CPLANE1: variants seen among roughly 807,000 people sequenced by gnomAD.
CPLANE1 encodes ciliogenesis and planar polarity effector 1.
CPLANE1 carries 263 observed loss-of-function variants against 362.5 expected under a neutral mutation model. The observed-to-expected ratio is 0.73, with a 90% CI of 0.66 to 0.80. CPLANE1 has a LOEUF of 0.80. CPLANE1 is among the 30% of genes least tolerant of loss of function. The pLI, the probability that CPLANE1 is intolerant of heterozygous loss-of-function variation, is 0.00. For missense variants in CPLANE1, 3,461 were observed against 3,793.4 expected, an observed-to-expected ratio of 0.91 and a Z score of 2.30; for synonymous variants, 1,212 against 1,302.6, an observed-to-expected ratio of 0.93 and a Z score of 1.50.
chr5:37,131,987 A>G (rs1195058603), intron 46 of CPLANE1, among the ~76,000 whole-genome samples: 1 of 152,210 alleles, frequency 6.6e-6, no homozygotes, highest in Non-Finnish European at 1.5e-5. Flanking sequence ...AATTATTGAC[A>G]TTTAATAGAT....
intron 8 of CPLANE1, among the ~76,000 whole-genome samples, chr5:37,237,140 A>G (rs996225414): frequency 6.6e-6 from 1 of 152,216 alleles, no homozygotes; most frequent in African/African-American, 2.4e-5. Flanking sequence ...ACTTGCACTC[A>G]CACGTTTATC....
Position 37,187,396 on chromosome 5 carries a change from C to T in CPLANE1, c.4080+18G>A. 6.3e-7 allele frequency: 1 copy of T among 1,576,778 alleles called. No individual in the cohort carries two copies. Among genetic ancestry groups the T allele is most frequent in the Non-Finnish European group, 8.6e-7 (1 of 1,163,204 alleles). On this transcript the variant is annotated intron_variant, in intron 23 of 52. Coordinates refer to ENST00000651892, the MANE Select transcript of CPLANE1 (RefSeq NM_001384732.1). ...CTCTGATTCTGATGTAGTTTACTTT[C>T]ACCTACAAGCACATTACCTTTCTGA...
rs1290514684 is a variant in CPLANE1 at position 37,227,611 on chromosome 5, GT to G, written c.1327del (p.Thr443ProfsTer11). On this transcript the variant is annotated frameshift_variant, in exon 10 of 53. Coordinates refer to ENST00000651892, the MANE Select transcript of CPLANE1 (RefSeq NM_001384732.1). ...VHMRSLLLDSTQRLEKIYQSV... is the reference protein window; with the variant it reads ...VHMRSLLLDSXQRLEKIYQSV... Reference sequence around the variant, plus strand: ...TTGATATATTTTCTCAAGCCTCTGGGTTGAATCAAGTAGAAGTGATCTCATG... The same window carrying G: ...TTGATATATTTTCTCAAGCCTCTGGGTGAATCAAGTAGAAGTGATCTCATG... 1 of 1,551,336 alleles carries G rather than the reference GT, an allele frequency of 6.4e-7. No individual in the cohort carries two copies. Among genetic ancestry groups the G allele is most frequent in the Admixed American group, 2.0e-5 (1 of 50,966 alleles).
intron 16 of CPLANE1, chr5:37,211,495 G>A (rs1343829731): frequency 2.2e-6 from 3 of 1,372,932 alleles, no homozygotes. Context: ...AAAGAAGAAA[G>A]GAATGACATC....
chr5:37,226,907 T>G lies in CPLANE1; in HGVS notation c.1688A>C (p.Asp563Ala). The G allele has an allele frequency of 6.4e-7, 1 of 1,551,868 alleles. No individual in the cohort carries two copies. The highest frequency in any genetic ancestry group is 1.7e-4 in the Middle Eastern group (1 of 5,988). ...IHAKDDSEET[D>A]RTITELHSIQ... is the part of the protein sequence containing the mutation. ...AGAATGCAGTTCTGTAATGGTTCTATCTGTCTCCTCACTATCATCCTTTGC... is the reference window on the plus strand; with the variant it reads ...AGAATGCAGTTCTGTAATGGTTCTAGCTGTCTCCTCACTATCATCCTTTGC... Residue 563 changes from aspartate to alanine, a missense_variant, in exon 12 of 53, where the codon GAT (aspartate) becomes GCT (alanine). Coordinates refer to ENST00000651892, the MANE Select transcript of CPLANE1 (RefSeq NM_001384732.1).
intron 44 of CPLANE1, chr5:37,141,191 T>C: frequency 1.0e-6 from 1 of 985,394 alleles, no homozygotes. Context: ...TATGCCTCCA[T>C]TCTATTTTTC....
At chr5:37,093,949 A>T in the CPLANE1 span, among the ~76,000 whole-genome samples, 1 of 146,680 alleles carries the variant, frequency 6.8e-6, no homozygotes, top group Non-Finnish European at 1.5e-5. Context: ...TAGCTTGTTT[A>T]CTCATGTGGT....
At chr5:37,124,731 C>T (rs111718566) in intron 47 of CPLANE1, 6,899 of 229,722 alleles carry the variant, frequency 0.03, 525 homozygotes, top group African/African-American at 0.16. Flanking sequence ...TTTTTTTTTT[C>T]TTTTGTAGAG....
chr5:37,145,773 C>A (rs984403058), intron 43 of CPLANE1, among the ~76,000 whole-genome samples: 10 of 151,830 alleles, frequency 6.6e-5, no homozygotes, highest in African/African-American at 1.9e-4. Flanking sequence ...GGCAAAAAAA[C>A]CACCATGAAA....
intron 8 of CPLANE1, among the ~76,000 whole-genome samples, chr5:37,232,283 C>T (rs886423285): frequency 2.0e-5 from 3 of 151,898 alleles, no homozygotes; most frequent in African/African-American, 7.3e-5. Context: ...TTTGGGAGGC[C>T]GAGGCAGGTG....
the CPLANE1 span, chr5:37,085,919 G>GAA: frequency 5.0e-5 from 26 of 522,978 alleles, no homozygotes; most frequent in African/African-American, 2.9e-4. Context: ...GAATTAATAG[G>GAA]AAAAAAAAAA....
In CPLANE1 at chr5:37,185,077, G is replaced by A. The variant is rs770196773; in HGVS notation, c.4192C>T (p.Pro1398Ser). 8.8e-6 allele frequency: 14 copies of A among 1,593,828 alleles called. No individual in the cohort carries two copies. Among genetic ancestry groups the A allele is most frequent in the Non-Finnish European group, 7.7e-6 (9 of 1,173,928 alleles). Residue 1398 changes from proline to serine, a missense_variant and splice_region_variant, in exon 25 of 53, where the codon CCC (proline) becomes TCC (serine). This residue lies in a region of CPLANE1 where 3,380 missense variants were observed against 3,666.1 expected (regional missense o/e 0.92). Coordinates refer to ENST00000651892, the MANE Select transcript of CPLANE1 (RefSeq NM_001384732.1). ...ACAGACATCATTTCCTCAGTCTGGGGTCCTGGAAAGAAAAGAATAAAAAGT... is the reference window on the plus strand; with the variant it reads ...ACAGACATCATTTCCTCAGTCTGGGATCCTGGAAAGAAAAGAATAAAAAGT... Reference protein sequence around the residue: ...QRLRHCVVKGPQTEEMMSVVM... With the variant: ...QRLRHCVVKGSQTEEMMSVVM...
rs1286860069 is a variant in CPLANE1 at position 37,210,261 on chromosome 5, G to C, written c.2920+3298C>G. 5 of 1,604,954 alleles carry C rather than the reference G, an allele frequency of 3.1e-6. No homozygotes were observed. In the African/African-American group the frequency reaches 5.4e-5, roughly 17 times the overall value. ...AGATATGGATTTGCTAAGAGGAAGAGAAGCAGAGCTGAAGCAAAGAGTTGA... is the reference window on the plus strand; with the variant it reads ...AGATATGGATTTGCTAAGAGGAAGACAAGCAGAGCTGAAGCAAAGAGTTGA... On this transcript the variant is annotated intron_variant, in intron 16 of 52. Coordinates refer to ENST00000651892, the MANE Select transcript of CPLANE1 (RefSeq NM_001384732.1).
chr5:37,123,930 TACACACAC>T lies in CPLANE1; in HGVS notation c.8958+1306_8958+1313del, dbSNP rs56833956. ...CATTCTACATTAGGCTAGGGGAACATACACACACACACACACACACACACACACACACA... is the reference window on the plus strand; with the variant it reads ...CATTCTACATTAGGCTAGGGGAACATACACACACACACACACACACACACA... On this transcript the variant is annotated intron_variant, in intron 47 of 52. Coordinates refer to ENST00000651892, the MANE Select transcript of CPLANE1 (RefSeq NM_001384732.1). Among the ~76,000 whole-genome samples the T allele has an allele frequency of 1.4e-3, 204 of 144,534 alleles. 2 individuals are homozygous for T. Among genetic ancestry groups the T allele is most frequent in the African/African-American group, 4.9e-3 (194 of 39,260 alleles). 94.8% of individuals were successfully genotyped at this position (144,534 alleles called of 152,430 possible). A position where few individuals can be genotyped will look rare whatever the true frequency, so the allele number is the denominator to read the frequency against.
intron 50 of CPLANE1, among the ~76,000 whole-genome samples, chr5:37,117,032 C>T (rs994519115): frequency 2.0e-5 from 3 of 152,168 alleles, no homozygotes; most frequent in Admixed American, 1.3e-4. Flanking sequence ...AGAATATCCA[C>T]AAGCACTCAA....
At chr5:37,119,065 C>T (rs1397086252) in intron 50 of CPLANE1, among the ~76,000 whole-genome samples, 4 of 151,984 alleles carry the variant, frequency 2.6e-5, no homozygotes, top group African/African-American at 9.7e-5. Context: ...TATTATAATA[C>T]GTTGTTAATA....
Position 37,169,245 on chromosome 5 carries a change from G to A in CPLANE1, c.6779C>T (p.Ala2260Val). 6.2e-7 allele frequency: 1 copy of A among 1,614,158 alleles called. No homozygotes were observed. Among genetic ancestry groups the A allele is most frequent in the Non-Finnish European group, 8.5e-7 (1 of 1,180,034 alleles). Residue 2260 changes from alanine (A) to valine (V), a missense_variant, in exon 34 of 53, where the codon GCT (alanine) becomes GTT (valine). By Grantham distance (64) the Ala-to-Val change is moderately conservative. This residue lies in a region of CPLANE1 where 3,380 missense variants were observed against 3,666.1 expected (regional missense o/e 0.92). Transcript: ENST00000651892. ...PFRPLPQPRE[A>V]WGLSDSFQPA... Reference sequence around the variant, plus strand: ...TTGGAAGGAGTCAGATAATCCCCAAGCCTCTCTTGGTTGTGGCAAAGGCCT... The same window carrying A: ...TTGGAAGGAGTCAGATAATCCCCAAACCTCTCTTGGTTGTGGCAAAGGCCT...
downstream of CPLANE1, among the ~76,000 whole-genome samples, chr5:37,103,633 T>C (rs1757402951): frequency 6.6e-6 from 1 of 152,220 alleles, no homozygotes; most frequent in Non-Finnish European, 1.5e-5. Flanking sequence ...TGAAGCTTAG[T>C]TTGGCCGGAT....
intron 4 of CPLANE1, among the ~76,000 whole-genome samples, 157 bp from the exon 5 acceptor site, chr5:37,244,764 C>T (rs1200971560): frequency 6.6e-6 from 1 of 151,874 alleles, no homozygotes; most frequent in Non-Finnish European, 1.5e-5. Context: ...AATCCAGGCA[C>T]GGCAGCTCAT....
Sources: allele counts gnomAD v4.1 joint callset (sites outside exome capture counted in the v4.1 genomes callset), GRCh38; gene constraint gnomAD v4.1.1; regional missense constraint gnomAD v4.1.1; transcripts MANE v1.5; gene names NCBI Gene and HGNC (gene_info 2026-07-23, HGNC 2026-07-21).